Variants in TMEM117 observed in about 807,000 individuals in gnomAD.
TMEM117 encodes transmembrane protein 117.
A neutral mutation model predicts 52.4 loss-of-function variants in TMEM117; 27 were observed. That is an observed-to-expected ratio of 0.51 (90% CI 0.38 to 0.71). TMEM117 has a LOEUF of 0.71. TMEM117 is among the 30% of genes least tolerant of loss of function. TMEM117 has a pLI of 0.00. For synonymous variants in TMEM117, 215 were observed against 206.3 expected (o/e 1.04, Z -0.36); for missense variants, 556 against 630.5 (o/e 0.88, Z 1.26).
At chr12:44,051,501 C>A (rs546634988) in intron 3 of TMEM117, among the ~76,000 whole-genome samples, 19 of 152,236 alleles carry the variant, frequency 1.2e-4, no homozygotes, top group African/African-American at 4.3e-4. Context: ...TAGGTTCTGA[C>A]AAGACTAATG....
chr12:43,815,985 A>C, the TMEM117 span, among the ~76,000 whole-genome samples: 1 of 152,240 alleles, frequency 6.6e-6, no homozygotes, highest in Non-Finnish European at 1.5e-5. Flanking sequence ...CGTCTAAATA[A>C]AACATCCATT....
intron 3 of TMEM117, among the ~76,000 whole-genome samples, chr12:44,138,878 A>G (rs939452159): frequency 3.9e-5 from 6 of 152,196 alleles, no homozygotes; most frequent in Admixed American, 2.0e-4. Context: ...TAATCTAGTT[A>G]ATCATTTCAC....
At chr12:44,007,630 G>A (rs116190624) in intron 3 of TMEM117, among the ~76,000 whole-genome samples, 5,457 of 152,182 alleles carry the variant, frequency 0.036, 208 homozygotes, top group African/African-American at 0.093. Context: ...ATATGGTTTG[G>A]CTGTGTCCCC....
intron 5 of TMEM117, among the ~76,000 whole-genome samples, chr12:44,280,299 C>A (rs1049046440): frequency 1.3e-5 from 2 of 152,102 alleles, no homozygotes; most frequent in Admixed American, 6.6e-5. Context: ...ATTTCCTTTC[C>A]TATTTCTCAG....
chr12:44,082,274 A>C (rs888234952), intron 3 of TMEM117, among the ~76,000 whole-genome samples: 2 of 151,946 alleles, frequency 1.3e-5, no homozygotes, highest in East Asian at 1.9e-4. Context: ...TGGATTTCTT[A>C]GTCCAAATTC....
chr12:43,882,824 G>A lies in TMEM117; in HGVS notation c.277+37896G>A, dbSNP rs142001128. ...ATCAGATGTAGACTTTAAGATTCTG[G>A]AATTGGCAAAAAAATTCATTTCAGG... On this transcript the variant is annotated intron_variant, in intron 2 of 7. Coordinates refer to ENST00000266534, the MANE Select transcript of TMEM117 (RefSeq NM_032256.3). 3.3e-3 allele frequency among the ~76,000 whole-genome samples: 506 copies of A among 152,200 alleles called. 2 individuals carry two copies. Among genetic ancestry groups the A allele is most frequent in the African/African-American group, 0.011 (439 of 41,526 alleles).
At chr12:44,150,457 C>T (rs1948705504) in intron 4 of TMEM117, among the ~76,000 whole-genome samples, 1 of 152,126 alleles carries the variant, frequency 6.6e-6, no homozygotes, top group African/African-American at 2.4e-5. Context: ...GGGACACCAA[C>T]ATGGACCATC....
chr12:44,078,785 A>G (rs1005079150), intron 3 of TMEM117, among the ~76,000 whole-genome samples: 8 of 151,972 alleles, frequency 5.3e-5, no homozygotes, highest in Non-Finnish European at 1.2e-4. Flanking sequence ...AGGTATACAC[A>G]TGCCATGGTG....
intron 2 of TMEM117, among the ~76,000 whole-genome samples, chr12:43,902,599 G>A (rs995890364): frequency 1.3e-5 from 2 of 152,140 alleles, no homozygotes; most frequent in African/African-American, 4.8e-5. Context: ...ACAAGGGATA[G>A]GGGTAGGAGG....
chr12:44,256,032 A>G (rs1250583814), intron 5 of TMEM117, among the ~76,000 whole-genome samples: 1 of 151,998 alleles, frequency 6.6e-6, no homozygotes, highest in Non-Finnish European at 1.5e-5. Flanking sequence ...AATTATTTAT[A>G]TAAGTCATTT....
chr12:43,906,356 G>A (rs1014613141), intron 2 of TMEM117, among the ~76,000 whole-genome samples: 14 of 152,150 alleles, frequency 9.2e-5, no homozygotes, highest in African/African-American at 2.4e-4. Context: ...CCAGCTACTC[G>A]GGAGGCTGAG....
chr12:44,029,246 C>T (rs1375735089), intron 3 of TMEM117, among the ~76,000 whole-genome samples: 1 of 152,174 alleles, frequency 6.6e-6, no homozygotes, highest in Non-Finnish European at 1.5e-5. Flanking sequence ...TTAGTAAAGT[C>T]CCTCTTGGTA....
intron 4 of TMEM117, among the ~76,000 whole-genome samples, chr12:44,151,916 ATATT>A (rs1276470178): frequency 7.9e-6 from 1 of 127,118 alleles, no homozygotes; most frequent in East Asian, 2.6e-4. Context: ...TATATAATAT[ATATT>A]ATAAACATTA....
chr12:43,854,666 C>T (rs1263856872), intron 2 of TMEM117, among the ~76,000 whole-genome samples: 1 of 151,836 alleles, frequency 6.6e-6, no homozygotes, highest in East Asian at 1.9e-4. Context: ...TTTTCTGAAC[C>T]TCACTCTGTC....
chr12:44,037,846 GTCTCC>G (rs1268839315), intron 3 of TMEM117, among the ~76,000 whole-genome samples: 2 of 151,468 alleles, frequency 1.3e-5, no homozygotes, highest in Non-Finnish European at 2.9e-5. Context: ...CCACTACAGG[GTCTCC>G]TCTCTGCTGA....
chr12:44,207,075 GAAAT>G lies in TMEM117; in HGVS notation c.511-4207_511-4204del, dbSNP rs957622472. ...AATGAAGTCAGTATATTGTTAAGTA[GAAAT>G]AAATAAAATGACAAACTATCAAATA... On this transcript the variant is annotated intron_variant, in intron 4 of 7. Coordinates refer to ENST00000266534, the MANE Select transcript of TMEM117 (RefSeq NM_032256.3). 6.4e-4 allele frequency among the ~76,000 whole-genome samples: 97 copies of G among 152,210 alleles called. 1 individual carries two copies. Among genetic ancestry groups the G allele is most frequent in the Admixed American group, 2.3e-3 (35 of 15,282 alleles).
At chr12:44,154,874 C>T (rs571130304) in intron 4 of TMEM117, among the ~76,000 whole-genome samples, 8 of 151,862 alleles carry the variant, frequency 5.3e-5, no homozygotes, top group East Asian at 1.9e-4. Flanking sequence ...AAGTCTCTAT[C>T]GTAATGCCAT....
At position 44,334,755 on chromosome 12, in the gene TMEM117, G is replaced by A. The variant is rs138286841; in HGVS notation, c.768+35016G>A. 1.9e-3 allele frequency among the ~76,000 whole-genome samples: 293 copies of A among 152,054 alleles called. 2 individuals are homozygous for A. Among genetic ancestry groups the A allele is most frequent in the African/African-American group, 6.6e-3 (276 of 41,520 alleles). ...GCTCTCCACGAGGAGTGGAATAGTG[G>A]CCACCACACTCCTCAACTCTTGGCA... On this transcript the variant is annotated intron_variant, in intron 6 of 7. Transcript: ENST00000266534.
intron 3 of TMEM117, among the ~76,000 whole-genome samples, chr12:43,955,553 T>C (rs959102285): frequency 1.3e-5 from 2 of 151,962 alleles, no homozygotes; most frequent in Non-Finnish European, 2.9e-5. Flanking sequence ...TTGCCACAAA[T>C]GAATAAAATA....
Sources: allele counts gnomAD v4.1 joint callset (sites outside exome capture counted in the v4.1 genomes callset), GRCh38; gene constraint gnomAD v4.1.1; transcripts MANE v1.5; gene names NCBI Gene and HGNC (gene_info 2026-07-23, HGNC 2026-07-21).